TANC2: variants seen among roughly 807,000 people sequenced by gnomAD.
The protein encoded by TANC2 is tetratricopeptide repeat, ankyrin repeat and coiled-coil containing 2, also known as protein TANC2.
A neutral mutation model predicts 210.5 loss-of-function variants in TANC2; 26 were observed. That is an observed-to-expected ratio of 0.12 (90% CI 0.09 to 0.17). The LOEUF (loss-of-function observed/expected upper bound fraction) is 0.17, where lower values mean the gene tolerates loss of function less well. TANC2 is among the 10% of genes least tolerant of loss of function. TANC2 has a pLI of 1.00. For synonymous variants in TANC2, 931 were observed against 967.1 expected (o/e 0.96, Z 0.69); for missense variants, 2,129 against 2,608.9 (o/e 0.82, Z 4.01).
At chr17:63,284,044 T>C (rs2044145375) in intron 9 of TANC2, among the ~76,000 whole-genome samples, 2 of 151,992 alleles carry the variant, frequency 1.3e-5, no homozygotes, top group Non-Finnish European at 2.9e-5. Flanking sequence ...TTCTTGGTCT[T>C]AGGTGGAAAG....
intron 17 of TANC2, among the ~76,000 whole-genome samples, chr17:63,395,009 C>G (rs1279767450): frequency 1.3e-5 from 2 of 152,240 alleles, no homozygotes; most frequent in African/African-American, 4.8e-5. Context: ...ACTGATCTAA[C>G]TACCGCAGGA....
intron 5 of TANC2, among the ~76,000 whole-genome samples, chr17:63,175,658 A>G (rs1244826568): frequency 6.6e-6 from 1 of 152,146 alleles, no homozygotes; most frequent in Non-Finnish European, 1.5e-5. Context: ...TAAAAGAAAA[A>G]TGTGCAAAAT....
In TANC2 at chr17:63,200,761, A is replaced by T; in HGVS notation, c.583-10A>T. 6.2e-7 allele frequency: 1 copy of T among 1,608,172 alleles called. No individual in the cohort carries two copies. The highest frequency in any genetic ancestry group is 8.5e-7 in the Non-Finnish European group (1 of 1,177,428). On this transcript the variant is annotated splice_polypyrimidine_tract_variant and intron_variant, in intron 6 of 27. Transcript: ENST00000689528. ...GGTTATCTTACTTATTCATGATTCC[A>T]ATTTTTCAGACCTCAGCAATCACCC...
At chr17:63,362,784 G>T (rs189894079) in intron 14 of TANC2, among the ~76,000 whole-genome samples, 3 of 152,324 alleles carry the variant, frequency 2.0e-5, no homozygotes, top group South Asian at 2.1e-4. Context: ...TGAGCCTGTG[G>T]GGGTATGGGG....
At chr17:63,267,827 G>C (rs2043576374) in exon 9 of TANC2, 2 of 1,613,082 alleles carry the variant, frequency 1.2e-6, no homozygotes, top group Non-Finnish European at 1.7e-6. Flanking sequence ...CTCTACGAAT[G>C]CCAAGACAGA....
chr17:63,152,347 T>C (rs573355647), intron 5 of TANC2: 8 of 152,076 alleles, frequency 5.3e-5, no homozygotes, highest in Non-Finnish European at 1.0e-4. Flanking sequence ...AGATAGGACA[T>C]AGTAAAACAA....
At chr17:63,388,936 A>G (rs1484578842) in intron 16 of TANC2, among the ~76,000 whole-genome samples, 179 bp downstream of exon 16, 1 of 152,186 alleles carries the variant, frequency 6.6e-6, no homozygotes, top group Non-Finnish European at 1.5e-5. Context: ...GACTAGCTCC[A>G]TTGTCCTCTT....
Position 63,389,399 on chromosome 17 carries a change from T to G in TANC2, c.2906T>G (p.Leu969Arg). The change falls in exon 17 of 28, where the codon CTT becomes CGT. Residue 969 changes from leucine (L) to arginine (R), a missense_variant. Physicochemically the swap from Leu to Arg is moderately radical, Grantham distance 102 (BLOSUM62 -2). Around this residue, in one of 5 missense-constraint regions of TANC2, gnomAD observed 644 missense variants for 937.5 expected, o/e 0.69. Coordinates refer to ENST00000689528, the Ensembl canonical transcript of TANC2. ...CCAATTCTATGTGTTCAGTCCCATC[T>G]TGGTTACACAGAAATGGTAGCCCTG... 2 of 1,614,014 alleles carry G rather than the reference T, an allele frequency of 1.2e-6. No individual in the cohort carries two copies. Among genetic ancestry groups the G allele is most frequent in the Non-Finnish European group, 1.7e-6 (2 of 1,179,894 alleles).
chr17:63,391,967 TC>T (rs1262699162), intron 17 of TANC2, among the ~76,000 whole-genome samples: 1 of 152,180 alleles, frequency 6.6e-6, no homozygotes, highest in Non-Finnish European at 1.5e-5. Flanking sequence ...CCTCAGGTGA[TC>T]CACCCACCTT....
intron 7 of TANC2, among the ~76,000 whole-genome samples, chr17:63,214,391 C>T (rs954596677): frequency 2.0e-5 from 3 of 152,218 alleles, no homozygotes; most frequent in East Asian, 1.9e-4. Flanking sequence ...TTGTTCAAAT[C>T]GTTGTGAAGG....
In TANC2 at chr17:63,098,513, G is replaced by GTATATATATATATA. The variant is rs779741664; in HGVS notation, c.140-661_140-660insATATATATATATAT. On this transcript the variant is annotated intron_variant, in intron 3 of 27. Coordinates refer to ENST00000689528, the Ensembl canonical transcript of TANC2. ...TCTCTCTCTCTCTCTCTCTCTCTGT[G>GTATATATATATATA]TGTATATATATATATATATATGTAA... Among the ~76,000 whole-genome samples, 345 of 125,386 alleles carry GTATATATATATATA rather than the reference G, an allele frequency of 2.8e-3. 6 individuals are homozygous for GTATATATATATATA. Among genetic ancestry groups the GTATATATATATATA allele is most frequent in the South Asian group, 7.2e-3 (27 of 3,764 alleles). The allele number at this position is 125,386 out of a possible 152,430, so 82.3% of individuals were successfully genotyped here.
At chr17:63,274,059 T>A (rs1276621472) in intron 9 of TANC2, among the ~76,000 whole-genome samples, 2 of 152,216 alleles carry the variant, frequency 1.3e-5, no homozygotes, top group Admixed American at 1.3e-4. Context: ...TGAACATGAT[T>A]TAACAATACA....
At chr17:63,218,446 A>G (rs767526775) in intron 7 of TANC2, among the ~76,000 whole-genome samples, 6 of 152,180 alleles carry the variant, frequency 3.9e-5, no homozygotes, top group East Asian at 1.9e-4. Flanking sequence ...CTTTTATTCA[A>G]TATTATGTTG....
chr17:63,296,095 A>G (rs1240314449), intron 9 of TANC2, among the ~76,000 whole-genome samples: 3 of 152,174 alleles, frequency 2.0e-5, no homozygotes, highest in East Asian at 3.9e-4. Context: ...ACTTCCTGCT[A>G]TCAAATGGCA....
intron 14 of TANC2, among the ~76,000 whole-genome samples, chr17:63,378,604 G>T (rs1235996764): frequency 6.6e-6 from 1 of 152,170 alleles, no homozygotes; most frequent in East Asian, 1.9e-4. Context: ...GACATCATGG[G>T]CAGATAAGAC....
At chr17:63,151,754 A>C (rs1349747492) in intron 5 of TANC2, 2 of 152,300 alleles carry the variant, frequency 1.3e-5, no homozygotes, top group East Asian at 3.9e-4. Context: ...CACTAGACAC[A>C]AAAGTGTTCT....
chr17:63,242,602 A>G (rs930553369), intron 8 of TANC2, among the ~76,000 whole-genome samples: 5 of 152,260 alleles, frequency 3.3e-5, no homozygotes, highest in African/African-American at 1.2e-4. Context: ...GCATTTAATT[A>G]TAATATATGT....
chr17:63,231,333 A>G (rs2042470682), intron 7 of TANC2, among the ~76,000 whole-genome samples: 1 of 151,964 alleles, frequency 6.6e-6, no homozygotes, highest in Non-Finnish European at 1.5e-5. Context: ...AGGCTTGTTG[A>G]TGTAGTTGCT....
At chr17:63,005,256 G>T (rs980112767) in intron 1 of TANC2, 1 of 152,136 alleles carries the variant, frequency 6.6e-6, no homozygotes, top group Non-Finnish European at 1.5e-5. Flanking sequence ...GCCATGTAGT[G>T]TAGGTCTTTT....
Sources: gnomAD v4.1 joint callset for allele counts (sites outside exome capture counted in the v4.1 genomes callset) on GRCh38, gnomAD v4.1.1 for gene constraint, gnomAD v4.1.1 regional missense constraint, MANE v1.5 for transcripts, NCBI Gene and HGNC (gene_info 2026-07-23, HGNC 2026-07-21) for gene names.